The following CDC42BPA variants were observed in gnomAD, a reference collection of about 807,000 sequenced individuals.
CDC42BPA encodes CDC42 binding protein kinase alpha.
A neutral mutation model predicts 223.5 loss-of-function variants in CDC42BPA; 80 were observed. The ratio of observed to expected loss-of-function variants is 0.36; its 90% CI spans 0.30 to 0.43. The LOEUF (loss-of-function observed/expected upper bound fraction) is 0.43, where lower values mean the gene tolerates loss of function less well. Among genes scored for constraint, CDC42BPA ranks in the 20% least tolerant of loss-of-function variants. The pLI, the probability that CDC42BPA is intolerant of heterozygous loss-of-function variation, is 1.00. For missense variants in CDC42BPA, 1,743 were observed against 2,099.9 expected (o/e 0.83, Z 3.32); for synonymous variants, 694 against 718.6 (o/e 0.97, Z 0.55).
At chr1:227,036,309 A>G (rs897799134) in intron 24 of CDC42BPA, among the ~76,000 whole-genome samples, 4 of 152,136 alleles carry the variant, frequency 2.6e-5, no homozygotes, top group Non-Finnish European at 5.9e-5. Flanking sequence ...TTTATTTATT[A>G]AAGAGAAGGT....
chr1:227,238,086 C>T (rs1679397546), intron 2 of CDC42BPA, among the ~76,000 whole-genome samples: 1 of 148,844 alleles, frequency 6.7e-6, no homozygotes, highest in African/African-American at 2.5e-5. Context: ...AATACAGTGG[C>T]TCATGTCTGT....
chr1:227,220,355 G>T (rs1675673543), intron 2 of CDC42BPA, among the ~76,000 whole-genome samples: 3 of 128,972 alleles, frequency 2.3e-5, no homozygotes, highest in African/African-American at 2.9e-5. Flanking sequence ...TATAAAATAA[G>T]GTTATATATA....
intron 2 of CDC42BPA, among the ~76,000 whole-genome samples, chr1:227,241,013 T>C (rs1345584950): frequency 6.6e-6 from 1 of 151,956 alleles, no homozygotes; most frequent in Non-Finnish European, 1.5e-5. Context: ...ACAATAAAAA[T>C]ACAAACATTT....
At chr1:227,282,918 G>A (rs1688226313) in intron 1 of CDC42BPA, among the ~76,000 whole-genome samples, 1 of 152,156 alleles carries the variant, frequency 6.6e-6, no homozygotes, top group Non-Finnish European at 1.5e-5. Flanking sequence ...GGATGATCAG[G>A]ATGGTTGCAC....
intron 6 of CDC42BPA, among the ~76,000 whole-genome samples, chr1:227,157,220 T>C (rs571348111): frequency 2.6e-5 from 4 of 152,362 alleles, no homozygotes; most frequent in Admixed American, 2.6e-4. Context: ...GCATATGATA[T>C]TTTTATGCTA....
intron 5 of CDC42BPA, among the ~76,000 whole-genome samples, chr1:227,192,139 T>C (rs74798143): frequency 1.5e-3 from 231 of 152,304 alleles, no homozygotes; most frequent in Non-Finnish European, 2.5e-3. Context: ...CCTTTAATAA[T>C]GTCTTAGAAC....
At chr1:227,019,057 T>C (rs1296614152) in intron 32 of CDC42BPA, among the ~76,000 whole-genome samples, 2 of 152,202 alleles carry the variant, frequency 1.3e-5, no homozygotes, top group East Asian at 3.8e-4. Flanking sequence ...CAAAAGATGG[T>C]TCTCCATAGC....
At chr1:227,268,652 GTATA>G (rs774492052) in intron 1 of CDC42BPA, among the ~76,000 whole-genome samples, 1 of 138,682 alleles carries the variant, frequency 7.2e-6, no homozygotes. Flanking sequence ...TAGTGTGTGT[GTATA>G]TATATATATA....
chr1:227,142,921 A>G, intron 9 of CDC42BPA, 24 bp downstream of exon 9: 1 of 1,521,116 alleles, frequency 6.6e-7, no homozygotes, highest in Non-Finnish European at 8.8e-7. Flanking sequence ...CTTGGCCCAA[A>G]CTATGTTAAC....
At chr1:227,202,409 C>T (rs1203471962) in intron 3 of CDC42BPA, among the ~76,000 whole-genome samples, 1 of 152,152 alleles carries the variant, frequency 6.6e-6, no homozygotes, top group African/African-American at 2.4e-5. Context: ...TAAAGACTGT[C>T]AGAGCCTAGA....
intron 1 of CDC42BPA, among the ~76,000 whole-genome samples, chr1:227,308,509 CAAAA>C (rs34849679): frequency 4.5e-5 from 4 of 89,780 alleles, no homozygotes; most frequent in South Asian, 3.8e-4. Context: ...GACTGTATCT[CAAAA>C]AAAAAAAAAA....
At chr1:227,142,030 G>C (rs979910150) in intron 9 of CDC42BPA, among the ~76,000 whole-genome samples, 3 of 152,118 alleles carry the variant, frequency 2.0e-5, no homozygotes, top group African/African-American at 7.2e-5. Context: ...GAATATACTA[G>C]GGTAATACAG....
chr1:227,247,776 G>A (rs918033990), intron 2 of CDC42BPA, among the ~76,000 whole-genome samples: 1 of 151,994 alleles, frequency 6.6e-6, no homozygotes, highest in African/African-American at 2.4e-5. Flanking sequence ...CAGCTACTCA[G>A]GAGGCTGAAG....
Position 226,994,366 on chromosome 1 carries a change from T to A in CDC42BPA, c.5167A>T (p.Asn1723Tyr). The change falls in exon 37 of 37, where the codon AAC becomes TAC. Residue 1723 changes from asparagine (N) to tyrosine (Y), a missense_variant. Asn to Tyr is a moderately radical substitution (Grantham distance 143, BLOSUM62 -2). This residue lies in a region of CDC42BPA where 200 missense variants were observed against 192.8 expected (regional missense o/e 1.04). Coordinates refer to ENST00000366766, the MANE Select transcript of CDC42BPA (RefSeq NM_001394014.1). This position sits in a 1 kb window ranked among gnomAD's most constrained non-coding sequence, Gnocchi z 4.0. ...SDSPRHSTAS[N>Y]SSNLSSPPSP... ...GGGGGGCTGCTTAGGTTGGAACTGTTGGAAGCTGTGGAATGCCTCGGAGAG... is the reference window on the plus strand; with the variant it reads ...GGGGGGCTGCTTAGGTTGGAACTGTAGGAAGCTGTGGAATGCCTCGGAGAG... 6.3e-7 allele frequency: 1 copy of A among 1,586,988 alleles called. No individual in the cohort carries two copies.
At chr1:227,163,812 A>G (rs892191697) in intron 5 of CDC42BPA, among the ~76,000 whole-genome samples, 1 of 151,686 alleles carries the variant, frequency 6.6e-6, no homozygotes, top group Admixed American at 6.6e-5. Context: ...CCCAGACATC[A>G]TAAGGATGGT....
intron 14 of CDC42BPA, among the ~76,000 whole-genome samples, chr1:227,104,557 A>T (rs17545704): frequency 0.14 from 21,492 of 152,216 alleles, 1,910 homozygotes; most frequent in South Asian, 0.34. Context: ...TAAGTGAAAA[A>T]TGTAAGTGTA....
At chr1:227,238,320 T>C (rs893204696) in intron 2 of CDC42BPA, among the ~76,000 whole-genome samples, 10 of 151,224 alleles carry the variant, frequency 6.6e-5, no homozygotes, top group Admixed American at 6.6e-5. Flanking sequence ...ATGGCACCAC[T>C]ACACTGGCGA....
chr1:227,240,877 T>C lies in CDC42BPA; in HGVS notation c.270+13187A>G, dbSNP rs1036017092. The stretch of plus-strand genomic sequence containing the variant: ...AAATACTAACTGTAATAGAAAACAA[T>C]TGATAAAATTATACCTTCAAAATTG... On this transcript the variant is annotated intron_variant, in intron 2 of 36. Transcript: ENST00000366766. 3.3e-5 allele frequency among the ~76,000 whole-genome samples: 5 copies of C among 151,832 alleles called. No homozygotes were observed. In the East Asian group the frequency reaches 5.8e-4, roughly 18 times the overall value.
Position 227,021,746 on chromosome 1 carries a change from G to A in CDC42BPA, c.4615+1517C>T, listed in dbSNP as rs137962738. 7.9e-4 allele frequency among the ~76,000 whole-genome samples: 120 copies of A among 152,098 alleles called. 1 individual carries two copies. The East Asian group carries it at 0.021, about 27-fold the overall frequency. On this transcript the variant is annotated intron_variant, in intron 32 of 36. Coordinates refer to ENST00000366766, the MANE Select transcript of CDC42BPA (RefSeq NM_001394014.1). ...TAAGATAATAATTTCATGGCCAGGC[G>A]CGGTGGCTCACGCCTGTAATCCCAG...
Sources: allele counts gnomAD v4.1 joint callset (sites outside exome capture counted in the v4.1 genomes callset), GRCh38; gene constraint gnomAD v4.1.1; regional missense constraint gnomAD v4.1.1; non-coding constraint Gnocchi (gnomAD v3.1); transcripts MANE v1.5; gene names NCBI Gene and HGNC (gene_info 2026-07-23, HGNC 2026-07-21).